Variants in QKI observed in about 807,000 individuals in gnomAD.
QKI encodes the protein KH domain-containing RNA-binding protein QKI.
In QKI, 10 loss-of-function variants were observed where a neutral mutation model predicts 39.0. That is an observed-to-expected ratio of 0.26 (90% CI 0.16 to 0.43). The LOEUF is 0.43. Among genes scored for constraint, QKI ranks in the 20% least tolerant of loss-of-function variants. The pLI is 1.00. For missense variants in QKI, 218 were observed against 428.0 expected (o/e 0.51, Z 4.33); for synonymous variants, 204 against 155.4 (o/e 1.31, Z -2.33).
At chr6:163,545,965 T>G (rs1302773327) in intron 4 of QKI, among the ~76,000 whole-genome samples, 1 of 149,874 alleles carries the variant, frequency 6.7e-6, no homozygotes, top group African/African-American at 2.4e-5. Flanking sequence ...TATAATTGCT[T>G]GTACCTATTA....
rs557458114 is a variant in QKI at position 163,435,097 on chromosome 6, A to G, written c.142+19762A>G. 1.2e-4 allele frequency among the ~76,000 whole-genome samples: 19 copies of G among 152,330 alleles called. No individual in the cohort carries two copies. In the South Asian group the frequency reaches 3.5e-3, roughly 28 times the overall value. On this transcript the variant is annotated intron_variant, in intron 1 of 7. Coordinates refer to ENST00000361752, the MANE Select transcript of QKI (RefSeq NM_006775.3). ...CTTTTTATCTCACAGTGAATTCACA[A>G]TAATACTGAATCTAGACGTTAATAG...
At chr6:163,531,490 ACCCTCACCCCTGTTT>A (rs1360074598) in intron 3 of QKI, among the ~76,000 whole-genome samples, 1 of 151,996 alleles carries the variant, frequency 6.6e-6, no homozygotes, top group Non-Finnish European at 1.5e-5. Flanking sequence ...TCTCAGCCCC[ACCCTCACCCCTGTTT>A]TCACTGCTGC....
rs575986557 is a variant in QKI at position 163,561,928 on chromosome 6, T to C, written c.547-54T>C. 9.6e-6 allele frequency: 13 copies of C among 1,347,956 alleles called. No individual in the cohort carries two copies. The Admixed American group carries it at 1.7e-4, about 18-fold the overall frequency. The allele number at this position is 1,347,956 out of a possible 1,614,324, so 83.5% of individuals were successfully genotyped here. On this transcript the variant is annotated intron_variant, in intron 4 of 7. Coordinates refer to ENST00000361752, the MANE Select transcript of QKI (RefSeq NM_006775.3). Reference sequence around the variant, plus strand: ...TAAGGCTTGTGTGTAGATATAGCTATTATATTTGTGGACAGTCTCAAATGC... The same window carrying C: ...TAAGGCTTGTGTGTAGATATAGCTACTATATTTGTGGACAGTCTCAAATGC...
intron 2 of QKI, among the ~76,000 whole-genome samples, chr6:163,476,244 A>G (rs919619385): frequency 6.6e-6 from 1 of 151,054 alleles, no homozygotes; most frequent in Admixed American, 6.6e-5. Flanking sequence ...ATGTACAACC[A>G]TTTTAGAAAA....
At chr6:163,436,652 A>G (rs1789297874) in intron 1 of QKI, among the ~76,000 whole-genome samples, 1 of 152,000 alleles carries the variant, frequency 6.6e-6, no homozygotes, top group Non-Finnish European at 1.5e-5. Flanking sequence ...CATCTCTACT[A>G]AAACTACAAA....
At chr6:163,550,260 G>A (rs1269861673) in intron 4 of QKI, among the ~76,000 whole-genome samples, 1 of 152,152 alleles carries the variant, frequency 6.6e-6, no homozygotes, top group Non-Finnish European at 1.5e-5. Context: ...AAGGGGGTAA[G>A]TGAGCTAGTG....
chr6:163,538,047 C>G (rs946786057), intron 4 of QKI, among the ~76,000 whole-genome samples: 1 of 152,170 alleles, frequency 6.6e-6, no homozygotes, highest in African/African-American at 2.4e-5. Flanking sequence ...CTTCCTCATC[C>G]TGCCACAGAT....
intron 6 of QKI, chr6:163,564,564 C>A (rs1206300473): frequency 1.9e-6 from 3 of 1,585,368 alleles, no homozygotes; most frequent in Non-Finnish European, 2.6e-6. Context: ...AATTCAGAAT[C>A]TCACTTAAGG....
intron 2 of QKI, among the ~76,000 whole-genome samples, chr6:163,475,884 T>C (rs1792552354): frequency 6.6e-6 from 1 of 152,066 alleles, no homozygotes; most frequent in South Asian, 2.1e-4. Flanking sequence ...AAATTTGAAC[T>C]GTGTTAAAAT....
At chr6:163,422,186 T>C (rs2757589) in intron 1 of QKI, among the ~76,000 whole-genome samples, 29,803 of 152,006 alleles carry the variant, frequency 0.2, 3,262 homozygotes, top group Middle Eastern at 0.28. Context: ...AGAAAAGGAC[T>C]GCACTTAATG....
At chr6:163,543,326 T>C (rs1781661753) in intron 4 of QKI, among the ~76,000 whole-genome samples, 1 of 152,050 alleles carries the variant, frequency 6.6e-6, no homozygotes, top group African/African-American at 2.4e-5. Context: ...AGAGGTAATG[T>C]ACTGGCTCCT....
intron 2 of QKI, among the ~76,000 whole-genome samples, chr6:163,465,784 C>T (rs567710686): frequency 6.6e-6 from 1 of 151,890 alleles, no homozygotes; most frequent in African/African-American, 2.4e-5. Context: ...AATCAACATA[C>T]AAAAATCAGT....
chr6:163,453,420 G>A (rs185681546), intron 1 of QKI, among the ~76,000 whole-genome samples: 2 of 152,096 alleles, frequency 1.3e-5, no homozygotes, highest in African/African-American at 4.8e-5. Flanking sequence ...TAATTATATG[G>A]AAAGTGCTTT....
chr6:163,567,004 A>G, intron 7 of QKI: 1 of 1,304,364 alleles, frequency 7.7e-7, no homozygotes, highest in Non-Finnish European at 9.7e-7. Context: ...AACTTATTAA[A>G]TCTTCTATTA....
At chr6:163,465,292 T>C (rs1466940954) in intron 2 of QKI, among the ~76,000 whole-genome samples, 1 of 152,008 alleles carries the variant, frequency 6.6e-6, no homozygotes, top group African/African-American at 2.4e-5. Context: ...GCTACTTCCA[T>C]TAAATATGGT....
chr6:163,425,854 T>C (rs1788364320), intron 1 of QKI, among the ~76,000 whole-genome samples: 1 of 152,212 alleles, frequency 6.6e-6, no homozygotes, highest in Non-Finnish European at 1.5e-5. Context: ...GGAGAAAATC[T>C]TAGGAATTCT....
intron 2 of QKI, among the ~76,000 whole-genome samples, chr6:163,476,217 A>G (rs1213959599): frequency 6.6e-6 from 1 of 152,140 alleles, no homozygotes; most frequent in African/African-American, 2.4e-5. Context: ...TTTTTATACT[A>G]TACGGAGGAT....
chr6:163,475,005 G>T (rs1443199803), intron 2 of QKI, among the ~76,000 whole-genome samples: 3 of 152,012 alleles, frequency 2.0e-5, no homozygotes, highest in African/African-American at 7.2e-5. Flanking sequence ...ATTATAATGT[G>T]ATCTCAGTGA....
chr6:163,570,851 C>A lies in QKI; in HGVS notation c.*141C>A. On this transcript the variant is annotated 3_prime_UTR_variant, in exon 8 of 8. Transcript: ENST00000361752. ...GGCACTTGTCCGTTCGTCTTACCAT[C>A]TAACCAAACAAAAGACAAAGAAATT... 4 of 1,078,282 alleles carry A rather than the reference C, an allele frequency of 3.7e-6. No homozygotes were observed. Among genetic ancestry groups the A allele is most frequent in the South Asian group, 3.6e-5 (2 of 55,506 alleles). The allele number at this position is 1,078,282 out of a possible 1,614,324, so 66.8% of individuals were successfully genotyped here.
Sources: allele counts gnomAD v4.1 joint callset (sites outside exome capture counted in the v4.1 genomes callset), GRCh38; gene constraint gnomAD v4.1.1; transcripts MANE v1.5; gene names NCBI Gene and HGNC (gene_info 2026-07-23, HGNC 2026-07-21).